The following CDK5RAP3 variants were observed in gnomAD, a reference collection of about 807,000 sequenced individuals.
The protein encoded by CDK5RAP3 is CDK5 regulatory subunit associated protein 3.
In CDK5RAP3, 58 loss-of-function variants were observed where a neutral mutation model predicts 73.3. That is an observed-to-expected ratio of 0.79 (90% CI 0.64 to 0.98). The LOEUF is 0.98. Among genes scored for constraint, CDK5RAP3 ranks in the 50% least tolerant of loss-of-function variants. CDK5RAP3 has a pLI of 0.00. For missense variants in CDK5RAP3, 525 were observed against 615.8 expected (o/e 0.85, Z 1.56); for synonymous variants, 224 against 247.5 (o/e 0.91, Z 0.89).
In CDK5RAP3 at chr17:47,975,315, C is replaced by G; in HGVS notation, c.491C>G (p.Ser164Cys). The G allele has an allele frequency of 6.2e-7, 1 of 1,614,144 alleles. No individual in the cohort carries two copies. The highest frequency in any genetic ancestry group is 8.5e-7 in the Non-Finnish European group (1 of 1,180,014). ...AAEMREQFYH[S>C]CKQYGITGEN... ...GAGATGCGGGAGCAGTTCTACCACT[C>G]CTGCAAGCAGTATGGCATCACGGTG... The change falls in exon 6 of 14, where the codon TCC (serine) becomes TGC (cysteine). Residue 164 changes from serine to cysteine, a missense_variant. This residue lies in a region of CDK5RAP3 where 409 missense variants were observed against 429.8 expected (regional missense o/e 0.95). Transcript: ENST00000338399.
Position 47,971,151 on chromosome 17 carries a change from A to G in CDK5RAP3, c.5A>G (p.Glu2Gly). Residue 2 changes from glutamate (E) to glycine (G), a missense_variant and splice_region_variant, in exon 1 of 14, where the codon GAG becomes GGG. By Grantham distance (98) the Glu-to-Gly change is moderately conservative. This residue lies in a region of CDK5RAP3 where 409 missense variants were observed against 429.8 expected (regional missense o/e 0.95). Transcript: ENST00000338399. ...TGAAGCGGAAGTGGAGGAAAGATGG[A>G]GGTGTGGGGACAGGAGCTGGGTGTG... Reference protein sequence around the residue: MEDHQHVPIDIQ... With the variant: MGDHQHVPIDIQ... 1 of 1,549,242 alleles carries G rather than the reference A, an allele frequency of 6.5e-7. No individual in the cohort carries two copies. The highest frequency in any genetic ancestry group is 8.7e-7 in the Non-Finnish European group (1 of 1,145,682).
chr17:47,975,372 A>G, intron 6 of CDK5RAP3, 35 bp downstream of exon 6: 1 of 1,607,778 alleles, frequency 6.2e-7, no homozygotes, highest in Non-Finnish European at 8.5e-7. Flanking sequence ...GCCAGAGGAC[A>G]CCTGGGCCCC....
chr17:47,974,989 G>C, intron 5 of CDK5RAP3, 170 bp from the exon 6 acceptor site: 3 of 1,511,458 alleles, frequency 2.0e-6, no homozygotes, highest in Middle Eastern at 1.7e-4. Flanking sequence ...TACCGATGAG[G>C]GTTGGATTAG....
chr17:47,975,715 C>G, intron 7 of CDK5RAP3, 62 bp downstream of exon 7: 1 of 1,566,850 alleles, frequency 6.4e-7, no homozygotes, highest in Non-Finnish European at 8.6e-7. Context: ...GCTCATGACC[C>G]TTCTCCAGTT....
chr17:47,975,331 C>A lies in CDK5RAP3; in HGVS notation c.507C>A (p.Gly169=). 6.2e-7 allele frequency: 1 copy of A among 1,613,694 alleles called. No individual in the cohort carries two copies. The highest frequency in any genetic ancestry group is 8.5e-7 in the Non-Finnish European group (1 of 1,179,664). Residue 169 remains glycine (G), a synonymous_variant, in exon 6 of 14, where the codon GGC becomes GGA. Coordinates refer to ENST00000338399, the MANE Select transcript of CDK5RAP3 (RefSeq NM_176096.3). ...EQFYHSCKQY[G]ITGENVRGEL... ...TCTACCACTCCTGCAAGCAGTATGG[C>A]ATCACGGTGAGCGGCGGCAGCCTCT... is the stretch of plus-strand genomic sequence containing the variant.
Position 47,973,920 on chromosome 17 carries a change from T to C in CDK5RAP3, c.185-11T>C. ...ACTTTAGTTCTCGAAATCCCGTCTC[T>C]TGCTTTCTAGACATTCACTACTTTC... On this transcript the variant is annotated splice_polypyrimidine_tract_variant and intron_variant, in intron 3 of 13. Coordinates refer to ENST00000338399, the MANE Select transcript of CDK5RAP3 (RefSeq NM_176096.3). 1 of 1,603,466 alleles carries C rather than the reference T, an allele frequency of 6.2e-7. No homozygotes were observed. Among genetic ancestry groups the C allele is most frequent in the Non-Finnish European group, 8.5e-7 (1 of 1,170,222 alleles).
chr17:47,977,785 C>T (rs755955072), intron 9 of CDK5RAP3, 47 bp from the exon 10 acceptor site: 3 of 1,527,918 alleles, frequency 2.0e-6, no homozygotes, highest in East Asian at 4.5e-5. Context: ...CTCCTTGGCT[C>T]AGGAAAATTC....
intron 6 of CDK5RAP3, 82 bp from the exon 7 acceptor site, chr17:47,975,432 C>T: frequency 1.2e-6 from 2 of 1,607,984 alleles, no homozygotes; most frequent in South Asian, 1.1e-5. Context: ...GTTGCACCCC[C>T]TTTGGGCCAG....
chr17:47,979,008 T>C (rs2036491340), intron 11 of CDK5RAP3, 91 bp downstream of exon 11: 1 of 899,874 alleles, frequency 1.1e-6, no homozygotes, highest in South Asian at 1.3e-5. Flanking sequence ...CTCCTGTTTG[T>C]GTGAAGGGTG....
rs1204847527 is a variant in CDK5RAP3, at chr17:47,980,775, G to C, written c.1260G>C (p.Leu420=). 6.2e-7 allele frequency: 1 copy of C among 1,614,062 alleles called. No homozygotes were observed. Among genetic ancestry groups the C allele is most frequent in the Non-Finnish European group, 8.5e-7 (1 of 1,180,034 alleles). Residue 420 remains leucine (L), a synonymous_variant, in exon 12 of 14, where the codon CTG becomes CTC. Coordinates refer to ENST00000338399, the MANE Select transcript of CDK5RAP3 (RefSeq NM_176096.3). ...GKLTSLQLQH[L]FMILASPRYV... ...TTACCAGTCTTCAGCTGCAACACCT[G>C]TTTATGATCCTGGCCTCACCAAGGT...
chr17:47,974,079 C>A, intron 4 of CDK5RAP3, 48 bp downstream of exon 4: 1 of 1,312,564 alleles, frequency 7.6e-7, no homozygotes, highest in Non-Finnish European at 1.1e-6. Context: ...GACATCCAAT[C>A]CGAGGAGTCA....
chr17:47,975,477 T>G (rs756580769), intron 6 of CDK5RAP3, 37 bp from the exon 7 acceptor site: 1 of 1,609,684 alleles, frequency 6.2e-7, no homozygotes, highest in Non-Finnish European at 8.5e-7. Flanking sequence ...GATGTTTTCT[T>G]CAATCTGTTG....
rs113940013 is a variant in CDK5RAP3, at chr17:47,976,014, G to A, written c.798+1G>A. 2 of 1,613,756 alleles carry A rather than the reference G, an allele frequency of 1.2e-6. No homozygotes were observed. The highest frequency in any genetic ancestry group is 2.2e-5 in the East Asian group (1 of 44,886). On this transcript the variant is annotated splice_donor_variant, in intron 8 of 13. Coordinates refer to ENST00000338399, the MANE Select transcript of CDK5RAP3 (RefSeq NM_176096.3). LOFTEE classifies it high-confidence loss of function. Reference sequence around the variant, plus strand: ...TCCTGAGCAGGTGGCAGAAGATGCGGTAAGATGGGCCTTGTGATGAGCTGT... The same window carrying A: ...TCCTGAGCAGGTGGCAGAAGATGCGATAAGATGGGCCTTGTGATGAGCTGT...
rs2036456935 is a variant in CDK5RAP3 at position 47,977,968 on chromosome 17, T to C, written c.988+58T>C. The C allele has an allele frequency of 2.2e-6, 3 of 1,365,526 alleles. No homozygotes were observed. In the South Asian group the frequency reaches 3.6e-5, roughly 16 times the overall value. 84.6% of individuals were successfully genotyped at this position (1,365,526 alleles called of 1,614,324 possible). ...AGTGGGGTGCTCAAGGGCCCCCACG[T>C]GTCTAGAAACAAAAAATGCAGCGCT... On this transcript the variant is annotated intron_variant, in intron 10 of 13. Coordinates refer to ENST00000338399, the MANE Select transcript of CDK5RAP3 (RefSeq NM_176096.3).
At chr17:47,974,711 T>A (rs1190091122) in intron 5 of CDK5RAP3, 6 of 1,342,062 alleles carry the variant, frequency 4.5e-6, no homozygotes, top group Non-Finnish European at 5.8e-6. Flanking sequence ...CCTCCACCAC[T>A]CACCTCTTGG....
rs2036424715 is a variant in CDK5RAP3, at chr17:47,976,762, T to C, written c.849T>C (p.Ser283=). 6.2e-7 allele frequency: 1 copy of C among 1,612,930 alleles called. No individual in the cohort carries two copies. The part of the protein sequence containing the change: ...GVEAVSEGTD[S]GISAEAAGID... ...AGGCAGTGTCTGAGGGGACTGACTC[T>C]GGCATCTCTGCCGAGGCTGCTGGAA... is the stretch of plus-strand genomic sequence containing the variant. Residue 283 remains serine, a synonymous_variant, in exon 9 of 14, where the codon TCT becomes TCC. Transcript: ENST00000338399.
At chr17:47,977,962 C>T in intron 10 of CDK5RAP3, 52 bp downstream of exon 10, 2 of 1,410,420 alleles carry the variant, frequency 1.4e-6, no homozygotes, top group African/African-American at 2.8e-5. Context: ...CTCAAGGGCC[C>T]CCACGTGTCT....
In CDK5RAP3 at chr17:47,981,660, T is replaced by C. The variant is rs868846906; in HGVS notation, c.*158T>C. On this transcript the variant is annotated 3_prime_UTR_variant, in exon 14 of 14. Coordinates refer to ENST00000338399, the MANE Select transcript of CDK5RAP3 (RefSeq NM_176096.3). ...GCACCTGATGGTGATCTTGGCACTC[T>C]CCATGTTCTCTACAAGAAGCTGTGG... The C allele has an allele frequency of 1.3e-6, 2 of 1,541,796 alleles. No individual in the cohort carries two copies. The highest frequency in any genetic ancestry group is 1.4e-5 in the African/African-American group (1 of 73,318).
At chr17:47,980,554 A>G (rs1187767460) in intron 11 of CDK5RAP3, 39 bp from the exon 12 acceptor site, 4 of 1,592,070 alleles carry the variant, frequency 2.5e-6, no homozygotes, top group African/African-American at 1.3e-5. Context: ...AGTGTGAGCC[A>G]TCATGTACAG....
Sources: allele counts gnomAD v4.1 joint callset, GRCh38; gene constraint gnomAD v4.1.1; regional missense constraint gnomAD v4.1.1; transcripts MANE v1.5; gene names NCBI Gene and HGNC (gene_info 2026-07-23, HGNC 2026-07-21).